Variants in GALNT17 observed in about 807,000 individuals in gnomAD.
GALNT17 encodes UDP-GalNAc:polypeptide N-acetylgalactosaminyltransferase-like 3.
GALNT17 carries 29 observed loss-of-function variants against 63.7 expected under a neutral mutation model. The ratio of observed to expected loss-of-function variants is 0.46; its 90% confidence interval spans 0.34 to 0.62. The LOEUF (loss-of-function observed/expected upper bound fraction) is 0.62, where lower values mean the gene tolerates loss of function less well. Ranked by LOEUF, GALNT17 falls within the 20% of genes least tolerant of loss-of-function variation. The probability of loss-of-function intolerance (pLI) is 0.01; values close to 1 mark genes in which losing one functional copy is unlikely to be tolerated. For missense variants in GALNT17, 603 were observed against 799.6 expected (o/e 0.75, Z 2.97); for synonymous variants, 305 against 318.3 (o/e 0.96, Z 0.45).
chr7:71,516,167 T>G (rs961186142), intron 5 of GALNT17, among the ~76,000 whole-genome samples: 7 of 152,110 alleles, frequency 4.6e-5, no homozygotes, highest in Non-Finnish European at 7.4e-5. Flanking sequence ...AGGTAGGATT[T>G]TAATTTATGT....
At chr7:71,348,647 G>A (rs1486160666) in intron 2 of GALNT17, among the ~76,000 whole-genome samples, 2 of 152,156 alleles carry the variant, frequency 1.3e-5, no homozygotes, top group Non-Finnish European at 2.9e-5. Flanking sequence ...TGGAATTCGC[G>A]ATTTATTAGT....
chr7:71,606,020 A>G (rs1790041737), intron 6 of GALNT17, among the ~76,000 whole-genome samples: 2 of 151,872 alleles, frequency 1.3e-5, no homozygotes, highest in South Asian at 2.1e-4. Flanking sequence ...GTTCACTGCA[A>G]CCTCTGCCTC....
chr7:71,320,039 C>T (rs949913098), intron 1 of GALNT17, among the ~76,000 whole-genome samples: 5 of 152,128 alleles, frequency 3.3e-5, no homozygotes, highest in African/African-American at 1.2e-4. Flanking sequence ...AGTCTCGTGG[C>T]CAAGCTCAAA....
intron 3 of GALNT17, among the ~76,000 whole-genome samples, chr7:71,398,254 T>C (rs1302681366): frequency 1.3e-5 from 2 of 152,080 alleles, no homozygotes; most frequent in East Asian, 3.9e-4. Context: ...TATTCTAGTT[T>C]GGGGCCTCCT....
intron 5 of GALNT17, among the ~76,000 whole-genome samples, chr7:71,521,476 A>G (rs1237459888): frequency 1.3e-5 from 2 of 152,188 alleles, no homozygotes; most frequent in African/African-American, 2.4e-5. Context: ...TCTTTGTATT[A>G]ACTATTGCAA....
intron 6 of GALNT17, among the ~76,000 whole-genome samples, chr7:71,640,069 TCATG>T (rs1032639945): frequency 2.2e-4 from 34 of 152,294 alleles, no homozygotes; most frequent in African/African-American, 7.7e-4. Flanking sequence ...AAATGATAAA[TCATG>T]CACCATTTTT....
chr7:71,696,948 C>T (rs150956749), intron 9 of GALNT17, among the ~76,000 whole-genome samples: 8 of 152,074 alleles, frequency 5.3e-5, no homozygotes, highest in African/African-American at 1.2e-4. Context: ...TTATAAAATA[C>T]GAGATTATGT....
chr7:71,526,416 G>A (rs77199147), intron 5 of GALNT17, among the ~76,000 whole-genome samples: 1,569 of 152,266 alleles, frequency 0.01, 21 homozygotes, highest in African/African-American at 0.036. Flanking sequence ...TTTGCAAAAC[G>A]GCACCGTCCC....
At chr7:71,519,070 G>C (rs1177401736) in intron 5 of GALNT17, among the ~76,000 whole-genome samples, 1 of 152,126 alleles carries the variant, frequency 6.6e-6, no homozygotes, top group East Asian at 1.9e-4. Context: ...GGCTTGGGTG[G>C]CTTCAGAGCA....
intron 1 of GALNT17, among the ~76,000 whole-genome samples, chr7:71,175,900 C>T (rs1005178822): frequency 6.6e-6 from 1 of 151,630 alleles, no homozygotes; most frequent in Non-Finnish European, 1.5e-5. Flanking sequence ...GACACTATCT[C>T]AAAAAAAGAG....
intron 3 of GALNT17, among the ~76,000 whole-genome samples, chr7:71,408,016 A>C (rs974576754): frequency 6.6e-6 from 1 of 152,168 alleles, no homozygotes; most frequent in African/African-American, 2.4e-5. Flanking sequence ...GAATGTACTC[A>C]ATGCCAGTGA....
chr7:71,710,784 C>T lies in GALNT17; in HGVS notation c.1524C>T (p.Gly508=), dbSNP rs1231377652. The T allele has an allele frequency of 1.9e-6, 3 of 1,612,814 alleles. No homozygotes were observed. The highest frequency in any genetic ancestry group is 2.5e-6 in the Non-Finnish European group (3 of 1,179,894). ...GPQLARYTKE[G]FLHLGALGTT... Reference sequence around the variant, plus strand: ...AGCTTGCCCGCTACACCAAGGAAGGCTTCCTGCACTTGGGTGCCCTGGGGA... The same window carrying T: ...AGCTTGCCCGCTACACCAAGGAAGGTTTCCTGCACTTGGGTGCCCTGGGGA... Residue 508 remains glycine, a synonymous_variant, in exon 10 of 11, where the codon GGC becomes GGT. Transcript: ENST00000333538.
At chr7:71,395,205 A>G (rs1434332534) in intron 3 of GALNT17, among the ~76,000 whole-genome samples, 1 of 152,240 alleles carries the variant, frequency 6.6e-6, no homozygotes, top group Non-Finnish European at 1.5e-5. Context: ...ATCACCTGCA[A>G]AATAAACCCT....
intron 9 of GALNT17, among the ~76,000 whole-genome samples, chr7:71,701,831 A>ATG (rs1791644388): frequency 1.4e-4 from 6 of 44,034 alleles, no homozygotes; most frequent in Non-Finnish European, 1.7e-4. Context: ...ATATATACAC[A>ATG]TATATATATG....
intron 1 of GALNT17, among the ~76,000 whole-genome samples, chr7:71,141,629 C>T (rs2116168019): frequency 6.6e-6 from 1 of 151,948 alleles, no homozygotes; most frequent in African/African-American, 2.4e-5. Context: ...TTAGAGCAGC[C>T]CTGGGCCATG....
At chr7:71,302,292 A>G (rs1344406693) in intron 1 of GALNT17, among the ~76,000 whole-genome samples, 4 of 152,170 alleles carry the variant, frequency 2.6e-5, no homozygotes, top group Non-Finnish European at 4.4e-5. Context: ...GCAAACCACC[A>G]TGGCACATGT....
rs10267747 is a variant in GALNT17 at position 71,501,888 on chromosome 7, G to A, written c.963-69397G>A. Among the ~76,000 whole-genome samples, 487 of 152,102 alleles carry A rather than the reference G, an allele frequency of 3.2e-3. 1 individual carries two copies. Among genetic ancestry groups the A allele is most frequent in the African/African-American group, 0.011 (462 of 41,532 alleles). On this transcript the variant is annotated intron_variant, in intron 5 of 10. Transcript: ENST00000333538. Reference sequence around the variant, plus strand: ...CAGGAATCTGCTTGTCCTCAGGGTGGCAAAGACAAACTTAAAGATTACCAT... The same window carrying A: ...CAGGAATCTGCTTGTCCTCAGGGTGACAAAGACAAACTTAAAGATTACCAT...
intron 1 of GALNT17, among the ~76,000 whole-genome samples, chr7:71,156,616 T>TCCTTCCTTCCTTCCTTCCTTCCTC (rs1419449706): frequency 9.7e-5 from 14 of 143,770 alleles, no homozygotes; most frequent in African/African-American, 3.4e-4. Flanking sequence ...CTTCCTTCCT[T>TCCTTCCTTCCTTCCTTCCTTCCTC]CCTCCATTCT....
chr7:71,429,373 A>G (rs1297877252), intron 5 of GALNT17, among the ~76,000 whole-genome samples: 2 of 152,228 alleles, frequency 1.3e-5, no homozygotes, highest in South Asian at 2.1e-4. Context: ...GAATGAGGAG[A>G]GAAAATCATT....
Sources: allele counts gnomAD v4.1 joint callset (sites outside exome capture counted in the v4.1 genomes callset), GRCh38; gene constraint gnomAD v4.1.1; transcripts MANE v1.5; gene names NCBI Gene and HGNC (gene_info 2026-07-23, HGNC 2026-07-21).